The following KCTD1 variants were observed in gnomAD, a reference collection of about 807,000 sequenced individuals.
The protein encoded by KCTD1 is BTB/POZ domain-containing protein KCTD1.
KCTD1 carries 24 observed loss-of-function variants against 66.0 expected under a neutral mutation model. The ratio of observed to expected loss-of-function variants is 0.36; its 90% CI spans 0.26 to 0.51. KCTD1 has a LOEUF of 0.51. Among genes scored for constraint, KCTD1 ranks in the 20% least tolerant of loss-of-function variants. KCTD1 has a pLI of 0.95. For missense variants in KCTD1, 943 were observed against 1,205.2 expected (o/e 0.78, Z 3.22); for synonymous variants, 511 against 517.2 (o/e 0.99, Z 0.16).
intron 3 of KCTD1, among the ~76,000 whole-genome samples, chr18:26,473,324 C>A (rs1483803312): frequency 1.3e-5 from 2 of 152,162 alleles, no homozygotes; most frequent in East Asian, 3.9e-4. Flanking sequence ...AAACCAAACA[C>A]TGCATGTTCT....
chr18:26,641,765 C>T (rs1987838468), upstream of KCTD1, among the ~76,000 whole-genome samples: 1 of 152,158 alleles, frequency 6.6e-6, no homozygotes, highest in African/African-American at 2.4e-5. Context: ...GACATTTCAA[C>T]CAGCCTTCTA....
chr18:26,526,712 C>T (rs559602978), intron 1 of KCTD1, among the ~76,000 whole-genome samples: 57 of 152,264 alleles, frequency 3.7e-4, no homozygotes, highest in African/African-American at 1.2e-3. Context: ...GCTCAGTCAA[C>T]ACTTGAAAAT....
chr18:26,469,482 G>A (rs939921121), intron 3 of KCTD1, among the ~76,000 whole-genome samples: 1 of 152,174 alleles, frequency 6.6e-6, no homozygotes, highest in Non-Finnish European at 1.5e-5. Flanking sequence ...ACCAAAGTGC[G>A]TGCCTAAAAT....
chr18:26,596,153 T>C (rs565584987), intron 1 of KCTD1, among the ~76,000 whole-genome samples: 24 of 152,302 alleles, frequency 1.6e-4, no homozygotes, highest in African/African-American at 5.5e-4. Context: ...CTAACTCGCA[T>C]GTGATAATAT....
chr18:26,603,183 A>G lies in KCTD1; in HGVS notation c.-16+25964T>C, dbSNP rs144977043. ...AGTGGCTCACACCTGTAATCCCAGC[A>G]TTTTGGGAGGCTGAGGCAGGTGGAT... On this transcript the variant is annotated intron_variant, in intron 1 of 4. Transcript: ENST00000317932. 3.9e-3 allele frequency among the ~76,000 whole-genome samples: 598 copies of G among 152,222 alleles called. 6 individuals carry two copies. Among genetic ancestry groups the G allele is most frequent in the African/African-American group, 0.014 (579 of 41,544 alleles).
intron 1 of KCTD1, among the ~76,000 whole-genome samples, chr18:26,512,949 C>T (rs902797479): frequency 6.6e-6 from 1 of 151,938 alleles, no homozygotes; most frequent in Admixed American, 6.6e-5. Context: ...CCCCCGCACT[C>T]CAGCCTGGGC....
In KCTD1 at chr18:26,468,394, T is replaced by A. The variant is rs776437015; in HGVS notation, c.2133+8121A>T. Among the ~76,000 whole-genome samples the A allele has an allele frequency of 7.8e-4, 118 of 152,038 alleles. No homozygotes were observed. Among genetic ancestry groups the A allele is most frequent in the Admixed American group, 4.9e-3 (75 of 15,272 alleles). ...CGGCTCGGACAGCACATTTGCGGAA[T>A]GAGATTTTAGGGGTGGAGGATCTTG... On this transcript the variant is annotated intron_variant, in intron 3 of 4. Transcript: ENST00000580059. This position sits in a 1 kb window ranked among gnomAD's most constrained non-coding sequence, Gnocchi z 4.8.
chr18:26,507,516 T>C (rs1478557536), intron 1 of KCTD1, among the ~76,000 whole-genome samples: 1 of 152,098 alleles, frequency 6.6e-6, no homozygotes, highest in East Asian at 1.9e-4. Context: ...ACTACAGGTG[T>C]GTGCCACCAC....
chr18:26,535,153 T>A (rs373933774), intron 1 of KCTD1, among the ~76,000 whole-genome samples: 3 of 151,796 alleles, frequency 2.0e-5, no homozygotes, highest in African/African-American at 7.3e-5. Context: ...AGGTAAACCC[T>A]TCCCCCATAA....
chr18:26,524,750 G>A (rs1441391408), intron 1 of KCTD1, among the ~76,000 whole-genome samples: 1 of 152,078 alleles, frequency 6.6e-6, no homozygotes, highest in Non-Finnish European at 1.5e-5. Flanking sequence ...GAAAATGGGG[G>A]ATTGGCAGTC....
chr18:26,620,334 C>T (rs1987345951), intron 1 of KCTD1, among the ~76,000 whole-genome samples: 1 of 109,612 alleles, frequency 9.1e-6, no homozygotes. Context: ...TTTGCATTTG[C>T]TGAAGGTAAA....
rs987680772 is a variant in KCTD1, at chr18:26,476,567, T to C, written c.2081A>G (p.Tyr694Cys). Residue 694 changes from tyrosine to cysteine, a missense_variant, in exon 3 of 5, where the codon TAT (tyrosine) becomes TGT (cysteine). Coordinates refer to ENST00000580059, the MANE Select transcript of KCTD1 (RefSeq NM_001142730.3). This position sits in a 1 kb window ranked among gnomAD's most constrained non-coding sequence, Gnocchi z 4.9. ...FIDRDGQMFR[Y>C]ILNFLRTSKL... ...GGATGTTCGTAGAAAATTCAAGATATATCTGAACATCTGTCCATCTCTGTC... is the reference window on the plus strand; with the variant it reads ...GGATGTTCGTAGAAAATTCAAGATACATCTGAACATCTGTCCATCTCTGTC... 2 of 1,613,820 alleles carry C rather than the reference T, an allele frequency of 1.2e-6. No individual in the cohort carries two copies. The highest frequency in any genetic ancestry group is 1.7e-6 in the Non-Finnish European group (2 of 1,179,826).
chr18:26,597,002 C>T (rs1446947079), intron 1 of KCTD1, among the ~76,000 whole-genome samples: 2 of 151,404 alleles, frequency 1.3e-5, no homozygotes, highest in Non-Finnish European at 2.9e-5. Flanking sequence ...CCAAGTGGTC[C>T]TATGGGCCTG....
rs73397601 is a variant in KCTD1, at chr18:26,461,681, A to C, written c.2134-1756T>G. The stretch of plus-strand genomic sequence containing the variant: ...ACGCCAACTGTAAGATACTGACCTA[A>C]ACACTTATTTACCAAGGAGATTTTA... On this transcript the variant is annotated intron_variant, in intron 3 of 4. Coordinates refer to ENST00000580059, the MANE Select transcript of KCTD1 (RefSeq NM_001142730.3). Among the ~76,000 whole-genome samples the C allele has an allele frequency of 4.4e-3, 674 of 152,346 alleles. 5 individuals are homozygous for C. Among genetic ancestry groups the C allele is most frequent in the African/African-American group, 0.016 (646 of 41,576 alleles).
chr18:26,651,402 T>G (rs1988030533), intron 1 of KCTD1, among the ~76,000 whole-genome samples: 1 of 152,192 alleles, frequency 6.6e-6, no homozygotes, highest in South Asian at 2.1e-4. Flanking sequence ...AGGAAACGGA[T>G]ATAACCTTTC....
intron 1 of KCTD1, among the ~76,000 whole-genome samples, chr18:26,571,586 T>A (rs562037042): frequency 6.6e-6 from 1 of 152,184 alleles, no homozygotes; most frequent in Non-Finnish European, 1.5e-5. Flanking sequence ...AAAATAGTTG[T>A]ACTGTATTGT....
rs1213818651 is a variant in KCTD1 at position 26,547,118 on chromosome 18, C to T, written c.1419G>A (p.Ser473=). ...SIAGIGTKLG[S]PAPQGCYAEA... is the part of the protein sequence containing the mutation. ...CGGCGTAGCAGCCCTGCGGGGCGGG[C>T]GAGCCCAGCTTGGTGCCAATGCCCG... Residue 473 remains serine, a synonymous_variant, in exon 1 of 5, where the codon TCG becomes TCA. Transcript: ENST00000580059. 7 of 1,549,704 alleles carry T rather than the reference C, an allele frequency of 4.5e-6. No individual in the cohort carries two copies. In the East Asian group the frequency reaches 9.8e-5, roughly 22 times the overall value.
intron 1 of KCTD1, among the ~76,000 whole-genome samples, chr18:26,604,777 A>G (rs550925540): frequency 6.6e-6 from 1 of 152,324 alleles, no homozygotes; most frequent in South Asian, 2.1e-4. Context: ...CAGAAAAGAT[A>G]ACTCTTGGAT....
intron 1 of KCTD1, among the ~76,000 whole-genome samples, chr18:26,645,490 C>T (rs1037001043): frequency 1.1e-4 from 17 of 152,134 alleles, no homozygotes; most frequent in Non-Finnish European, 1.9e-4. Flanking sequence ...GCAGCCTCAA[C>T]CTCTTGGGCT....
Sources: gnomAD v4.1 joint callset for allele counts (sites outside exome capture counted in the v4.1 genomes callset) on GRCh38, gnomAD v4.1.1 for gene constraint, Gnocchi (gnomAD v3.1) non-coding constraint, MANE v1.5 for transcripts, NCBI Gene and HGNC (gene_info 2026-07-23, HGNC 2026-07-21) for gene names.